NUP210L: variants seen among roughly 807,000 people sequenced by gnomAD.
The protein encoded by NUP210L is nucleoporin 210 like.
A neutral mutation model predicts 208.5 loss-of-function variants in NUP210L; 74 were observed. The observed-to-expected ratio is 0.35, with a 90% CI of 0.29 to 0.43. The LOEUF (loss-of-function observed/expected upper bound fraction) is 0.43, where lower values mean the gene tolerates loss of function less well. NUP210L is among the 20% of genes least tolerant of loss of function. The probability of loss-of-function intolerance (pLI) is 1.00; values close to 1 mark genes in which losing one functional copy is unlikely to be tolerated. For synonymous variants in NUP210L, 780 were observed against 816.9 expected (o/e 0.95, Z 0.77); for missense variants, 1,843 against 2,289.4 (o/e 0.81, Z 3.98).
chr1:154,031,216 A>G (rs941497739), intron 27 of NUP210L, among the ~76,000 whole-genome samples: 19 of 151,968 alleles, frequency 1.3e-4, no homozygotes, highest in Non-Finnish European at 2.5e-4. Context: ...CAGTCCCCCA[A>G]ATAGCTGGGA....
chr1:154,136,063 G>A, intron 6 of NUP210L, 91 bp from the exon 7 acceptor site: 2 of 886,388 alleles, frequency 2.3e-6, no homozygotes, highest in South Asian at 3.0e-5. Flanking sequence ...TGATCAGGAA[G>A]CAGACATAAA....
intron 5 of NUP210L, among the ~76,000 whole-genome samples, chr1:154,139,365 G>A (rs773151562): frequency 6.6e-6 from 1 of 152,144 alleles, no homozygotes; most frequent in African/African-American, 2.4e-5. Context: ...ATTTGTAATT[G>A]TAATCAGGCA....
chr1:154,082,532 T>C (rs1655392958), intron 16 of NUP210L, among the ~76,000 whole-genome samples: 2 of 152,164 alleles, frequency 1.3e-5, no homozygotes, highest in African/African-American at 4.8e-5. Flanking sequence ...AGTGAGGGCA[T>C]GGAAGCTCCA....
At chr1:154,097,593 T>C (rs1050305722) in intron 14 of NUP210L, among the ~76,000 whole-genome samples, 3 of 152,226 alleles carry the variant, frequency 2.0e-5, no homozygotes, top group Non-Finnish European at 4.4e-5. Context: ...ATATATTTAA[T>C]ATATATGCTA....
chr1:154,149,758 C>T (rs1659293613), intron 2 of NUP210L, among the ~76,000 whole-genome samples: 1 of 152,076 alleles, frequency 6.6e-6, no homozygotes. Flanking sequence ...GGATGATTTA[C>T]AAGTAAATTT....
At chr1:154,153,461 C>T in intron 1 of NUP210L, among the ~76,000 whole-genome samples, 1 of 152,154 alleles carries the variant, frequency 6.6e-6, no homozygotes, top group Non-Finnish European at 1.5e-5. Flanking sequence ...AGGTGTCTGC[C>T]ACTATGCCCG....
chr1:154,119,907 C>A (rs1383485342), intron 10 of NUP210L, among the ~76,000 whole-genome samples: 1 of 152,100 alleles, frequency 6.6e-6, no homozygotes, highest in Admixed American at 6.6e-5. Flanking sequence ...GGGTATATAC[C>A]CAGTAATGGG....
chr1:154,039,481 C>T (rs1652744493), intron 27 of NUP210L, among the ~76,000 whole-genome samples: 1 of 152,140 alleles, frequency 6.6e-6, no homozygotes. Context: ...GACAATCCAC[C>T]TGCCTCGGCC....
At chr1:154,070,404 C>G (rs780066352) in exon 17 of NUP210L, 6 of 1,613,246 alleles carry the variant, frequency 3.7e-6, no homozygotes, top group Non-Finnish European at 5.1e-6. Flanking sequence ...ATCAAACTTT[C>G]TCCTATGTTG....
At chr1:154,066,215 A>C (rs772273214) in intron 17 of NUP210L, among the ~76,000 whole-genome samples, 1 of 152,210 alleles carries the variant, frequency 6.6e-6, no homozygotes, top group Non-Finnish European at 1.5e-5. Context: ...AATTGAAAGA[A>C]CTAAAGAAGC....
chr1:154,106,614 G>C (rs1031470615), intron 12 of NUP210L, among the ~76,000 whole-genome samples: 1 of 152,218 alleles, frequency 6.6e-6, no homozygotes, highest in Non-Finnish European at 1.5e-5. Context: ...GGTGGCCACA[G>C]AGGGGCTTGT....
rs191870994 is a variant in NUP210L at position 154,135,579 on chromosome 1, G to A, written c.1009+235C>T. On this transcript the variant is annotated intron_variant, in intron 7 of 39. Coordinates refer to ENST00000368559, the Ensembl canonical transcript of NUP210L. ...TGGGACTACAGGCGCCCGCCACCAC[G>A]CCTGGCTAATTTTTAGTATTTTTAG... Among the ~76,000 whole-genome samples, 6 of 152,062 alleles carry A rather than the reference G, an allele frequency of 3.9e-5. No homozygotes were observed. In the East Asian group the frequency reaches 9.7e-4, roughly 25 times the overall value.
intron 13 of NUP210L, among the ~76,000 whole-genome samples, chr1:154,103,529 G>A (rs1300737412): frequency 1.2e-4 from 18 of 147,488 alleles, no homozygotes; most frequent in African/African-American, 4.2e-4. Flanking sequence ...AAAATTAGCC[G>A]GGCGTGGTAG....
At chr1:154,057,724 G>A (rs1465380196) in intron 22 of NUP210L, among the ~76,000 whole-genome samples, 2 of 150,876 alleles carry the variant, frequency 1.3e-5, no homozygotes, top group African/African-American at 4.9e-5. Flanking sequence ...GTGTGTGTGT[G>A]TGTGTGTGTG....
intron 33 of NUP210L, among the ~76,000 whole-genome samples, chr1:154,015,526 G>T (rs2147916460): frequency 6.6e-6 from 1 of 152,070 alleles, no homozygotes; most frequent in South Asian, 2.1e-4. Context: ...TTCGAGACAA[G>T]CCTGGCCAAC....
chr1:154,012,164 A>T, intron 34 of NUP210L, 80 bp downstream of exon 34: 1 of 1,401,444 alleles, frequency 7.1e-7, no homozygotes, highest in Non-Finnish European at 9.8e-7. Context: ...AATCTGGATT[A>T]CTAATCCAAA....
intron 15 of NUP210L, among the ~76,000 whole-genome samples, chr1:154,094,151 C>G (rs1015268289): frequency 1.3e-5 from 2 of 152,092 alleles, no homozygotes; most frequent in African/African-American, 4.8e-5. Flanking sequence ...GGCGTGGTGG[C>G]GTGCACCTGT....
At chr1:154,142,229 C>T (rs6667928) in intron 3 of NUP210L, among the ~76,000 whole-genome samples, 45,810 of 150,822 alleles carry the variant, frequency 0.3, 7,860 homozygotes, top group Admixed American at 0.45. Context: ...ATGTAATTAA[C>T]AAAGAAAGTG....
intron 10 of NUP210L, among the ~76,000 whole-genome samples, chr1:154,122,349 G>C: frequency 6.6e-6 from 1 of 152,092 alleles, no homozygotes. Flanking sequence ...TACCCATTAG[G>C]ATGGCTATTA....
Sources: gnomAD v4.1 joint callset for allele counts (sites outside exome capture counted in the v4.1 genomes callset) on GRCh38, gnomAD v4.1.1 for gene constraint, MANE v1.5 for transcripts, NCBI Gene and HGNC (gene_info 2026-07-23, HGNC 2026-07-21) for gene names.